PLD5: variants seen among roughly 807,000 people sequenced by gnomAD.
PLD5 encodes the protein inactive phospholipase D5.
PLD5 carries 36 observed loss-of-function variants against 61.1 expected under a neutral mutation model. The observed-to-expected ratio is 0.59, with a 90% CI of 0.45 to 0.78. PLD5 has a LOEUF of 0.78. PLD5 is among the 30% of genes least tolerant of loss of function. The pLI is 0.00. For synonymous variants in PLD5, 243 were observed against 242.8 expected (o/e 1.00, Z -0.01); for missense variants, 515 against 644.4 (o/e 0.80, Z 2.17).
intron 3 of PLD5, among the ~76,000 whole-genome samples, chr1:242,270,911 T>C (rs1674025516): frequency 6.6e-6 from 1 of 151,990 alleles, no homozygotes; most frequent in South Asian, 2.1e-4. Context: ...TATCAACACA[T>C]TTAAAGAGAA....
intron 4 of PLD5, chr1:242,235,407 C>G (rs1034375066): frequency 6.6e-6 from 1 of 152,154 alleles, no homozygotes; most frequent in Non-Finnish European, 1.5e-5. Flanking sequence ...TCCTGATTAA[C>G]GTCGGTTCAC....
intron 8 of PLD5, 143 bp from the exon 9 acceptor site, chr1:242,100,925 G>C (rs1660637934): frequency 3.3e-6 from 2 of 607,452 alleles, no homozygotes; most frequent in Admixed American, 5.8e-5. Flanking sequence ...ACCTCATATA[G>C]ATGAAGCTAT....
At chr1:242,215,090 G>A (rs112603402) in intron 5 of PLD5, among the ~76,000 whole-genome samples, 4,247 of 143,684 alleles carry the variant, frequency 0.03, 224 homozygotes, top group African/African-American at 0.1. Context: ...GGGTTTCACC[G>A]TGTTAACCAG....
intron 2 of PLD5, among the ~76,000 whole-genome samples, chr1:242,314,846 A>T (rs6429348): frequency 0.3 from 45,817 of 150,852 alleles, 8,104 homozygotes; most frequent in African/African-American, 0.48. Flanking sequence ...GTTGGAGTGG[A>T]GGCTTTGTTA....
At chr1:242,196,400 C>T (rs573783994) in intron 5 of PLD5, among the ~76,000 whole-genome samples, 2 of 152,064 alleles carry the variant, frequency 1.3e-5, no homozygotes, top group African/African-American at 4.8e-5. Flanking sequence ...AGGCTCGGAT[C>T]GGCATTACTG....
At chr1:242,448,399 C>T (rs977561390) in intron 1 of PLD5, among the ~76,000 whole-genome samples, 2 of 152,214 alleles carry the variant, frequency 1.3e-5, no homozygotes, top group Non-Finnish European at 2.9e-5. Context: ...TCATTTCCCA[C>T]ACATCAGCTG....
intron 4 of PLD5, among the ~76,000 whole-genome samples, chr1:242,242,438 G>A (rs530884613): frequency 2.0e-5 from 3 of 152,224 alleles, no homozygotes; most frequent in Non-Finnish European, 2.9e-5. Flanking sequence ...GATTTCTTAG[G>A]CATTTTTAAA....
chr1:242,356,897 G>T (rs1278629380), intron 1 of PLD5, among the ~76,000 whole-genome samples: 1 of 151,800 alleles, frequency 6.6e-6, no homozygotes, highest in Non-Finnish European at 1.5e-5. Context: ...ATTTATTTTA[G>T]CTATAGTTGT....
chr1:242,191,045 A>T (rs1668241589), intron 5 of PLD5, among the ~76,000 whole-genome samples: 1 of 152,138 alleles, frequency 6.6e-6, no homozygotes, highest in Non-Finnish European at 1.5e-5. Flanking sequence ...TTAACACCCA[A>T]ATGCAAGAGG....
At chr1:242,155,106 C>A (rs1665248786) in intron 5 of PLD5, among the ~76,000 whole-genome samples, 1 of 152,104 alleles carries the variant, frequency 6.6e-6, no homozygotes, top group Admixed American at 6.6e-5. Flanking sequence ...TTATCCATTT[C>A]TTCTAGATTT....
intron 1 of PLD5, among the ~76,000 whole-genome samples, chr1:242,426,309 T>TAAA (rs56996310): frequency 1.7e-5 from 2 of 120,054 alleles, no homozygotes; most frequent in Non-Finnish European, 1.7e-5. Flanking sequence ...CGTTTCCAGT[T>TAAA]AAAAAAAAAA....
intron 5 of PLD5, among the ~76,000 whole-genome samples, chr1:242,173,288 C>T (rs1666881601): frequency 6.6e-6 from 1 of 152,174 alleles, no homozygotes; most frequent in African/African-American, 2.4e-5. Flanking sequence ...CATGAGTAAA[C>T]TCCCATTCAC....
At chr1:242,199,315 C>T (rs570206020) in intron 5 of PLD5, among the ~76,000 whole-genome samples, 5 of 152,050 alleles carry the variant, frequency 3.3e-5, no homozygotes, top group South Asian at 2.1e-4. Flanking sequence ...AGTGCAGTGG[C>T]GCAATCTTGG....
chr1:242,377,361 C>T, intron 1 of PLD5: 3 of 1,574,926 alleles, frequency 1.9e-6, no homozygotes, highest in Non-Finnish European at 1.7e-6. Context: ...GATTGCTCCT[C>T]AGGGAGACCT....
At chr1:242,174,973 A>G (rs1667027023) in intron 5 of PLD5, among the ~76,000 whole-genome samples, 1 of 152,168 alleles carries the variant, frequency 6.6e-6, no homozygotes, top group African/African-American at 2.4e-5. Flanking sequence ...GCATACCAAC[A>G]TGGCACATGT....
At chr1:242,192,408 T>C (rs1668342454) in intron 5 of PLD5, 1 of 152,270 alleles carries the variant, frequency 6.6e-6, no homozygotes, top group South Asian at 2.1e-4. Context: ...CCCTTCTGCA[T>C]ATAGAGGCCA....
At chr1:242,436,834 C>T (rs1318362742) in intron 1 of PLD5, among the ~76,000 whole-genome samples, 2 of 152,156 alleles carry the variant, frequency 1.3e-5, no homozygotes, top group African/African-American at 2.4e-5. Flanking sequence ...CCCACTACCA[C>T]GTAAGCAAAT....
chr1:242,143,908 C>T (rs1340821919), intron 5 of PLD5, among the ~76,000 whole-genome samples: 1 of 151,252 alleles, frequency 6.6e-6, no homozygotes. Flanking sequence ...GTGGCACGAT[C>T]TTGGCTCACT....
chr1:242,166,694 C>T (rs932378877), intron 5 of PLD5, among the ~76,000 whole-genome samples: 2 of 152,322 alleles, frequency 1.3e-5, no homozygotes, highest in Admixed American at 1.3e-4. Context: ...GTTATGGAAC[C>T]TTTAATAACT....
Sources: gnomAD v4.1 joint callset for allele counts (sites outside exome capture counted in the v4.1 genomes callset) on GRCh38, gnomAD v4.1.1 for gene constraint, MANE v1.5 for transcripts, NCBI Gene and HGNC (gene_info 2026-07-23, HGNC 2026-07-21) for gene names.